Variants in BTBD9 observed in about 807,000 individuals in gnomAD.
BTBD9 encodes the protein BTB domain containing 9.
A neutral mutation model predicts 64.3 loss-of-function variants in BTBD9; 49 were observed. That is an observed-to-expected ratio of 0.76 (90% CI 0.61 to 0.97). BTBD9 has a LOEUF of 0.97. Ranked by LOEUF, BTBD9 falls within the 50% of genes least tolerant of loss-of-function variation. The probability of loss-of-function intolerance (pLI) is 0.00; values close to 1 mark genes in which losing one functional copy is unlikely to be tolerated. For missense variants in BTBD9, 598 were observed against 762.1 expected, an observed-to-expected ratio of 0.78 and a Z score of 2.53; for synonymous variants, 260 against 274.7, an observed-to-expected ratio of 0.95 and a Z score of 0.53.
chr6:38,311,635 T>C (rs563318606), intron 7 of BTBD9, among the ~76,000 whole-genome samples: 1 of 152,222 alleles, frequency 6.6e-6, no homozygotes, highest in African/African-American at 2.4e-5. Flanking sequence ...GCTCTATTTT[T>C]AGTTTTTTGA....
intron 9 of BTBD9, among the ~76,000 whole-genome samples, chr6:38,197,702 T>C (rs1762311568): frequency 6.6e-6 from 1 of 152,234 alleles, no homozygotes; most frequent in Admixed American, 6.5e-5. Flanking sequence ...CTCACATCTT[T>C]ACATTCACAC....
intron 6 of BTBD9, among the ~76,000 whole-genome samples, chr6:38,347,596 A>G (rs192445388): frequency 1.3e-5 from 2 of 152,344 alleles, no homozygotes; most frequent in East Asian, 3.9e-4. Flanking sequence ...TCAAGCAAAA[A>G]GTTATAAATA....
chr6:38,379,107 G>C (rs117311013), intron 6 of BTBD9, among the ~76,000 whole-genome samples: 1 of 152,078 alleles, frequency 6.6e-6, no homozygotes, highest in African/African-American at 2.4e-5. Flanking sequence ...GCTGATCCCC[G>C]GTAGCAGTTT....
chr6:38,612,229 T>G (rs1255559612), intron 1 of BTBD9, among the ~76,000 whole-genome samples: 2 of 152,228 alleles, frequency 1.3e-5, no homozygotes, highest in Admixed American at 1.3e-4. Flanking sequence ...GAAAAGCAAG[T>G]GTATAAGAAT....
chr6:38,447,345 AG>A (rs1769319996), intron 6 of BTBD9, among the ~76,000 whole-genome samples: 1 of 152,196 alleles, frequency 6.6e-6, no homozygotes, highest in African/African-American at 2.4e-5. Flanking sequence ...AGAGGCTCAA[AG>A]GACTTTTCAA....
At chr6:38,223,294 C>T (rs142553265) in intron 9 of BTBD9, among the ~76,000 whole-genome samples, 1 of 152,128 alleles carries the variant, frequency 6.6e-6, no homozygotes, top group Non-Finnish European at 1.5e-5. Flanking sequence ...AATAATCACC[C>T]TTCTAAATAT....
At chr6:38,284,474 T>C (rs1458408783) in intron 8 of BTBD9, among the ~76,000 whole-genome samples, 1 of 152,250 alleles carries the variant, frequency 6.6e-6, no homozygotes, top group Non-Finnish European at 1.5e-5. Flanking sequence ...AGAGCCTGTT[T>C]GTTTCTCTGA....
At chr6:38,344,814 C>A (rs1764219697) in intron 7 of BTBD9, among the ~76,000 whole-genome samples, 170 bp downstream of exon 7, 1 of 152,192 alleles carries the variant, frequency 6.6e-6, no homozygotes, top group Non-Finnish European at 1.5e-5. Context: ...ATTGGAATTA[C>A]TATATTGAAT....
In BTBD9 at chr6:38,331,872, AAG is replaced by A. The variant is rs536452299; in HGVS notation, c.1264+13110_1264+13111del. Among the ~76,000 whole-genome samples the A allele has an allele frequency of 2.8e-4, 42 of 152,304 alleles. No individual in the cohort carries two copies. In the East Asian group the frequency reaches 6.4e-3, roughly 23 times the overall value. ...CCTCTCTTGGAAAAAAAAGCAAAAA[AAG>A]AAATATTTTACTTATGTACTTCTGT... On this transcript the variant is annotated intron_variant, in intron 7 of 10. Coordinates refer to ENST00000481247, the MANE Select transcript of BTBD9 (RefSeq NM_001099272.2).
chr6:38,381,824 C>T (rs529191397), intron 6 of BTBD9, among the ~76,000 whole-genome samples: 6 of 151,936 alleles, frequency 3.9e-5, no homozygotes, highest in African/African-American at 4.8e-5. Context: ...CAAAAACACA[C>T]GTACGACTGC....
rs780668860 is a variant in BTBD9 at position 38,592,613 on chromosome 6, C to T, written c.777G>A (p.Glu259=). The T allele has an allele frequency of 6.2e-7, 1 of 1,614,112 alleles. No homozygotes were observed. The highest frequency in any genetic ancestry group is 8.5e-7 in the Non-Finnish European group (1 of 1,180,032). Residue 259 remains glutamate (E), a synonymous_variant, in exon 4 of 11, where the codon GAG becomes GAA. Transcript: ENST00000481247. Reference sequence around the variant, plus strand: ...TATAATTGAGGTCCATATCCCGGCTCTCAGATCGCACTTTAATGGCATCCA... The same window carrying T: ...TATAATTGAGGTCCATATCCCGGCTTTCAGATCGCACTTTAATGGCATCCA... ...AILDAIKVRS[E]SRDMDLNYRG... is the part of the protein sequence containing the mutation.
chr6:38,559,697 T>C (rs1372019845), intron 6 of BTBD9, among the ~76,000 whole-genome samples: 1 of 152,038 alleles, frequency 6.6e-6, no homozygotes, highest in Non-Finnish European at 1.5e-5. Flanking sequence ...GTTACAGTAA[T>C]GAAAACAGCA....
chr6:38,212,209 T>C (rs1762857829), intron 9 of BTBD9, among the ~76,000 whole-genome samples: 1 of 152,200 alleles, frequency 6.6e-6, no homozygotes, highest in African/African-American at 2.4e-5. Context: ...CCACCCATGG[T>C]GCAGGCTCTG....
At chr6:38,421,493 C>A (rs1767901979) in intron 6 of BTBD9, among the ~76,000 whole-genome samples, 1 of 152,198 alleles carries the variant, frequency 6.6e-6, no homozygotes, top group Admixed American at 6.5e-5. Context: ...TTTAATAATT[C>A]TTAAGCCTGA....
intron 9 of BTBD9, among the ~76,000 whole-genome samples, chr6:38,230,377 C>T (rs866834264): frequency 1.3e-5 from 2 of 151,706 alleles, no homozygotes; most frequent in Admixed American, 6.6e-5. Flanking sequence ...TTCCTATAGT[C>T]CCAGCTACTC....
At chr6:38,397,674 A>G (rs181633793) in intron 6 of BTBD9, among the ~76,000 whole-genome samples, 1 of 152,366 alleles carries the variant, frequency 6.6e-6, no homozygotes, top group East Asian at 1.9e-4. Context: ...AGCCCATGAA[A>G]TTGCTAAGAA....
chr6:38,545,128 G>A (rs1268595793), intron 6 of BTBD9, among the ~76,000 whole-genome samples: 1 of 151,810 alleles, frequency 6.6e-6, no homozygotes, highest in Non-Finnish European at 1.5e-5. Context: ...GTCTTGCACT[G>A]TCTCCCAGGC....
At chr6:38,583,264 G>A (rs557833510) in intron 4 of BTBD9, among the ~76,000 whole-genome samples, 18 of 152,152 alleles carry the variant, frequency 1.2e-4, no homozygotes, top group Non-Finnish European at 2.2e-4. Flanking sequence ...CTGAGAGGCC[G>A]AGGCAGGTGG....
At chr6:38,447,029 T>A (rs975719360) in intron 6 of BTBD9, among the ~76,000 whole-genome samples, 1 of 152,256 alleles carries the variant, frequency 6.6e-6, no homozygotes, top group Non-Finnish European at 1.5e-5. Context: ...CAGTGCAACA[T>A]TCATATTTTT....
Sources: allele counts gnomAD v4.1 joint callset (sites outside exome capture counted in the v4.1 genomes callset), GRCh38; gene constraint gnomAD v4.1.1; transcripts MANE v1.5; gene names NCBI Gene and HGNC (gene_info 2026-07-23, HGNC 2026-07-21).